Variants in NR2C2AP observed in about 807,000 individuals in gnomAD.
The protein encoded by NR2C2AP is nuclear receptor 2C2 associated protein.
Under a neutral mutation model 19.1 loss-of-function variants are expected in NR2C2AP, and 13 were observed. That is an observed-to-expected ratio of 0.68 (90% CI 0.44 to 1.08). NR2C2AP has a LOEUF of 1.08. Among genes scored for constraint, NR2C2AP ranks in the 50% least tolerant of loss-of-function variants. The pLI is 0.00. For synonymous variants in NR2C2AP, 81 were observed against 64.4 expected (o/e 1.26, Z -1.23); for missense variants, 181 against 172.7 (o/e 1.05, Z -0.27).
chr19:19,201,688 A>C lies in NR2C2AP; in HGVS notation c.*237T>G. 2 of 1,614,128 alleles carry C rather than the reference A, an allele frequency of 1.2e-6. No homozygotes were observed. The highest frequency in any genetic ancestry group is 1.7e-6 in the Non-Finnish European group (2 of 1,180,022). ...GAGAACCACATCCTCAAGCTCTTCC[A>C]GAGCAACCTGGTGCCCGCTGACCCT... On this transcript the variant is annotated 3_prime_UTR_variant, in exon 5 of 5. Transcript: ENST00000331552.
At position 19,203,411 on chromosome 19, in the gene NR2C2AP, C is replaced by T; in HGVS notation, c.-351G>A. The T allele has an allele frequency of 5.0e-6, 2 of 396,612 alleles. No individual in the cohort carries two copies. The highest frequency in any genetic ancestry group is 4.8e-6 in the Non-Finnish European group (1 of 209,630). 24.6% of individuals were successfully genotyped at this position (396,612 alleles called of 1,614,324 possible). A position where few individuals can be genotyped will look rare whatever the true frequency, so the allele number is the denominator to read the frequency against. On this transcript the variant is annotated 5_prime_UTR_variant, in exon 1 of 5. Coordinates refer to ENST00000331552, the MANE Select transcript of NR2C2AP (RefSeq NM_176880.6). ...TGGAGCCAAATCTTGGGACCCGGAA[C>T]CGCGTGGGCTTGGCGCATGCGTGTT...
rs2060725169 is a variant in NR2C2AP, at chr19:19,201,829, C to A, written c.*96G>T. 6 of 1,611,662 alleles carry A rather than the reference C, an allele frequency of 3.7e-6. No homozygotes were observed. Among genetic ancestry groups the A allele is most frequent in the Non-Finnish European group, 4.2e-6 (5 of 1,178,804 alleles). ...CTTCTGGACAGGTGGTGGGAGGGGA[C>A]CCTTCCCAAGAGGAACCAATAAACC... On this transcript the variant is annotated 3_prime_UTR_variant, in exon 5 of 5. Coordinates refer to ENST00000331552, the MANE Select transcript of NR2C2AP (RefSeq NM_176880.6).
In NR2C2AP at chr19:19,201,916, C is replaced by A. The variant is rs144070913; in HGVS notation, c.*9G>T. ...GAGGGCTTCCTGGAGGAGACAGCCC[C>A]TAGAGGTCTCACACCTTCTCCCCAA... is the stretch of plus-strand genomic sequence containing the variant. On this transcript the variant is annotated 3_prime_UTR_variant, in exon 5 of 5. Transcript: ENST00000331552. 7 of 1,614,140 alleles carry A rather than the reference C, an allele frequency of 4.3e-6. No individual in the cohort carries two copies. The African/African-American group carries it at 8.0e-5, about 18-fold the overall frequency.
At chr19:19,202,220 T>A in intron 4 of NR2C2AP, 111 bp downstream of exon 4, 1 of 1,225,346 alleles carries the variant, frequency 8.2e-7, no homozygotes, top group Non-Finnish European at 1.2e-6. Flanking sequence ...AAAAGTGGAG[T>A]CCTAGAGGTC....
chr19:19,202,181 A>G (rs1323333105), intron 4 of NR2C2AP, 140 bp from the exon 5 acceptor site: 3 of 1,155,978 alleles, frequency 2.6e-6, no homozygotes, highest in African/African-American at 1.5e-5. Flanking sequence ...CTCACACAGA[A>G]CAGGTGGTCA....
chr19:19,201,582 T>TTAACC lies in NR2C2AP; in HGVS notation c.*342_*343insGGTTA. The TTAACC allele has an allele frequency of 1.2e-6, 2 of 1,611,848 alleles. No individual in the cohort carries two copies. Among genetic ancestry groups the TTAACC allele is most frequent in the Non-Finnish European group, 1.7e-6 (2 of 1,179,902 alleles). ...TTGTCCCCTAAGGGGAGAGCGCAGGTTGGCCTGTGCCTCCACCCCACTCCC... is the reference window on the plus strand; with the variant it reads ...TTGTCCCCTAAGGGGAGAGCGCAGGTTAACCTGGCCTGTGCCTCCACCCCACTCCC... On this transcript the variant is annotated 3_prime_UTR_variant, in exon 5 of 5. Transcript: ENST00000331552.
chr19:19,202,603 C>G (rs2060737282), intron 2 of NR2C2AP, 28 bp from the exon 3 acceptor site: 7 of 1,579,310 alleles, frequency 4.4e-6, no homozygotes, highest in Non-Finnish European at 6.1e-6. Context: ...AACTGAGGCG[C>G]AAGCTCACTG....
chr19:19,202,682 C>A, intron 2 of NR2C2AP, 107 bp from the exon 3 acceptor site: 2 of 1,389,470 alleles, frequency 1.4e-6, no homozygotes, highest in Non-Finnish European at 2.0e-6. Flanking sequence ...GAAGGAAATT[C>A]GGCACATGTT....
chr19:19,202,677 A>G, intron 2 of NR2C2AP, 102 bp from the exon 3 acceptor site: 1 of 1,403,210 alleles, frequency 7.1e-7, no homozygotes. Flanking sequence ...GGGAAGAAGG[A>G]AATTCGGCAC....
chr19:19,201,823 A>AGG lies in NR2C2AP; in HGVS notation c.*100_*101dup, dbSNP rs1401685073. On this transcript the variant is annotated 3_prime_UTR_variant, in exon 5 of 5. Transcript: ENST00000331552. ...AGGCAGCTTCTGGACAGGTGGTGGG[A>AGG]GGGGACCCTTCCCAAGAGGAACCAA... 8.0e-5 allele frequency: 129 copies of AGG among 1,611,802 alleles called. No homozygotes were observed. Among genetic ancestry groups the AGG allele is most frequent in the Non-Finnish European group, 1.1e-4 (127 of 1,178,942 alleles).
In NR2C2AP at chr19:19,202,009, C is replaced by T. The variant is rs796152075; in HGVS notation, c.336G>A (p.Arg112=). The change falls in exon 5 of 5, where the codon CGG becomes CGA. Residue 112 remains arginine (R), a synonymous_variant. Transcript: ENST00000331552. The stretch of plus-strand genomic sequence containing the variant: ...TGGCATCCTCAAACGTCACCTTCAG[C>T]CGGTCCACTTCAGCAGCTGGTATGG... ...TFPIPAAEVD[R]LKVTFEDATD... 1 of 1,614,196 alleles carries T rather than the reference C, an allele frequency of 6.2e-7. No individual in the cohort carries two copies. Among genetic ancestry groups the T allele is most frequent in the East Asian group, 2.2e-5 (1 of 44,878 alleles).
intron 2 of NR2C2AP, 91 bp from the exon 3 acceptor site, chr19:19,202,666 G>C (rs139364339): frequency 0.016 from 22,250 of 1,404,448 alleles, 208 homozygotes; most frequent in Non-Finnish European, 0.02. Context: ...TTGGAATGGA[G>C]GGGAAGAAGG....
intron 2 of NR2C2AP, 61 bp from the exon 3 acceptor site, chr19:19,202,636 CTG>C (rs2060738000): frequency 6.8e-7 from 1 of 1,460,470 alleles, no homozygotes; most frequent in Non-Finnish European, 9.5e-7. Flanking sequence ...CCTGCTATGC[CTG>C]TCTCATTCAC....
Position 19,202,549 on chromosome 19 carries a change from C to G in NR2C2AP, c.156G>C (p.Glu52Asp), listed in dbSNP as rs1315495402. The G allele has an allele frequency of 6.2e-7, 1 of 1,613,388 alleles. No individual in the cohort carries two copies. Among genetic ancestry groups the G allele is most frequent in the Non-Finnish European group, 8.5e-7 (1 of 1,180,004 alleles). Reference sequence around the variant, plus strand: ...GGGAGACACGGATGAGCTGGGGAAACTCCAGCGTCACCCACTGGGAGGGGC... The same window carrying G: ...GGGAGACACGGATGAGCTGGGGAAAGTCCAGCGTCACCCACTGGGAGGGGC... ...DQGPSQWVTL[E>D]FPQLIRVSQL... The change falls in exon 3 of 5, where the codon GAG becomes GAC. Residue 52 changes from glutamate to aspartate, a missense_variant. By Grantham distance (45) the Glu-to-Asp change is conservative. Coordinates refer to ENST00000331552, the MANE Select transcript of NR2C2AP (RefSeq NM_176880.6).
chr19:19,202,167 G>T (rs1201985236), intron 4 of NR2C2AP, 126 bp from the exon 5 acceptor site: 2 of 1,202,588 alleles, frequency 1.7e-6, no homozygotes, highest in African/African-American at 1.5e-5. Context: ...GTCCCTCTAA[G>T]CCTCTCACAC....
chr19:19,202,041 T>C lies in NR2C2AP; in HGVS notation c.304A>G (p.Thr102Ala), dbSNP rs1249480483. The change falls in exon 5 of 5, where the codon ACT becomes GCT. Residue 102 changes from threonine (T) to alanine (A), a missense_variant and splice_region_variant. Thr to Ala is a moderately conservative substitution (Grantham distance 58). Coordinates refer to ENST00000331552, the MANE Select transcript of NR2C2AP (RefSeq NM_176880.6). ...ACTTCAGCAGCTGGTATGGGGAAAG[T>C]GTGAGCGTGGGCAGTCAAGGGAAAC... ...FYPEDNNSLQ[T>A]FPIPAAEVDR... The C allele has an allele frequency of 1.2e-6, 2 of 1,614,080 alleles. No homozygotes were observed. Among genetic ancestry groups the C allele is most frequent in the South Asian group, 1.1e-5 (1 of 91,074 alleles).
chr19:19,201,573 G>A lies in NR2C2AP; in HGVS notation c.*352C>T, dbSNP rs745685942. 6.2e-7 allele frequency: 1 copy of A among 1,610,602 alleles called. No individual in the cohort carries two copies. The highest frequency in any genetic ancestry group is 1.1e-5 in the South Asian group (1 of 91,086). ...GGTCCCTGTTTGTCCCCTAAGGGGA[G>A]AGCGCAGGTTGGCCTGTGCCTCCAC... On this transcript the variant is annotated 3_prime_UTR_variant, in exon 5 of 5. Coordinates refer to ENST00000331552, the MANE Select transcript of NR2C2AP (RefSeq NM_176880.6).
chr19:19,203,048 A>C lies in NR2C2AP; in HGVS notation c.13T>G (p.Leu5Val), dbSNP rs1240954082. MTHS[L>V]VCPETVSRVS... Reference sequence around the variant, plus strand: ...CTGCTCACTGTCTCTGGACAAACCAAAGAGTGGGTCATGTCGGTTCCACAA... The same window carrying C: ...CTGCTCACTGTCTCTGGACAAACCACAGAGTGGGTCATGTCGGTTCCACAA... Residue 5 changes from leucine (L) to valine (V), a missense_variant, in exon 1 of 5, where the codon TTG (leucine) becomes GTG (valine). Coordinates refer to ENST00000331552, the MANE Select transcript of NR2C2AP (RefSeq NM_176880.6). 6.2e-7 allele frequency: 1 copy of C among 1,613,868 alleles called. No homozygotes were observed. The highest frequency in any genetic ancestry group is 8.5e-7 in the Non-Finnish European group (1 of 1,179,938).
At chr19:19,202,090 G>T (rs756570933) in intron 4 of NR2C2AP, 49 bp from the exon 5 acceptor site, 6 of 1,543,652 alleles carry the variant, frequency 3.9e-6, no homozygotes, top group Admixed American at 3.4e-5. Context: ...TTTCCCACCC[G>T]CAGGCCCCCA....
Sources: allele counts gnomAD v4.1 joint callset, GRCh38; gene constraint gnomAD v4.1.1; transcripts MANE v1.5; gene names NCBI Gene and HGNC (gene_info 2026-07-23, HGNC 2026-07-21).